Variants in RPTOR observed in about 807,000 individuals in gnomAD.
The protein encoded by RPTOR is regulatory associated protein of MTOR complex 1, also known as regulatory-associated protein of mTOR.
In RPTOR, 21 loss-of-function variants were observed where a neutral mutation model predicts 169.9. That is an observed-to-expected ratio of 0.12 (90% CI 0.09 to 0.18). RPTOR has a LOEUF of 0.18. Among genes scored for constraint, RPTOR ranks in the 10% least tolerant of loss-of-function variants. RPTOR has a pLI of 1.00. For synonymous variants in RPTOR, 732 were observed against 753.2 expected, an observed-to-expected ratio of 0.97 and a Z score of 0.46; for missense variants, 1,133 against 1,855.9, an observed-to-expected ratio of 0.61 and a Z score of 7.16.
At chr17:80,800,400 G>A (rs1389026939) in intron 7 of RPTOR, among the ~76,000 whole-genome samples, 1 of 152,106 alleles carries the variant, frequency 6.6e-6, no homozygotes, top group East Asian at 1.9e-4. Context: ...CCGAGCTTTC[G>A]CCGTCCTTGT....
chr17:80,550,048 A>G (rs1444612687), intron 1 of RPTOR, among the ~76,000 whole-genome samples: 1 of 152,144 alleles, frequency 6.6e-6, no homozygotes, highest in Non-Finnish European at 1.5e-5. Flanking sequence ...TTCAACTAAT[A>G]CATGGACTGC....
intron 13 of RPTOR, among the ~76,000 whole-genome samples, chr17:80,879,088 C>T (rs2068155356): frequency 6.6e-6 from 1 of 152,164 alleles, no homozygotes; most frequent in South Asian, 2.1e-4. Context: ...GCTGTGCGCG[C>T]CCCGGAGCAG....
At chr17:80,771,492 G>A (rs1049287243) in intron 6 of RPTOR, among the ~76,000 whole-genome samples, 1 of 152,130 alleles carries the variant, frequency 6.6e-6, no homozygotes, top group Non-Finnish European at 1.5e-5. Flanking sequence ...GACGGAAGGG[G>A]GTACCTCCCA....
intron 13 of RPTOR, among the ~76,000 whole-genome samples, chr17:80,866,540 C>A (rs1315802540): frequency 6.6e-6 from 1 of 152,124 alleles, no homozygotes; most frequent in African/African-American, 2.4e-5. Flanking sequence ...AACTGTGAAA[C>A]ACCACCCTGA....
intron 20 of RPTOR, among the ~76,000 whole-genome samples, chr17:80,901,339 T>TC (rs2143907797): frequency 6.6e-6 from 1 of 152,180 alleles, no homozygotes; most frequent in South Asian, 2.1e-4. Flanking sequence ...GGAGCTGGAC[T>TC]CCCCATTCCA....
In RPTOR at chr17:80,664,138, G is replaced by C. The variant is rs1017431559; in HGVS notation, c.348+20328G>C. Among the ~76,000 whole-genome samples, 14 of 152,254 alleles carry C rather than the reference G, an allele frequency of 9.2e-5. 1 individual carries two copies. In the South Asian group the frequency reaches 1.4e-3, roughly 16 times the overall value. ...ATGACTTAGCGCAGAGGGCTCTTAC[G>C]TGCAAACCATCTTGGCTGTGGAGCG... On this transcript the variant is annotated intron_variant, in intron 3 of 33. Transcript: ENST00000306801.
intron 3 of RPTOR, among the ~76,000 whole-genome samples, chr17:80,644,251 C>G (rs1567836444): frequency 6.8e-6 from 1 of 148,144 alleles, no homozygotes; most frequent in South Asian, 2.1e-4. Flanking sequence ...TATGCTTTGC[C>G]TTTGATTCAA....
In RPTOR at chr17:80,823,478, C is replaced by A. The variant is rs2067405032; in HGVS notation, c.1136+255C>A. ...GCAGCGGCCGGCTGAAGCCTCACAGCTCTGCAACTCGGGAGGGTAGCACTT... is the reference window on the plus strand; with the variant it reads ...GCAGCGGCCGGCTGAAGCCTCACAGATCTGCAACTCGGGAGGGTAGCACTT... On this transcript the variant is annotated intron_variant, in intron 9 of 33. Coordinates refer to ENST00000306801, the MANE Select transcript of RPTOR (RefSeq NM_020761.3). This position sits in a 1 kb window ranked among gnomAD's most constrained non-coding sequence, Gnocchi z 4.5. The A allele has an allele frequency of 7.5e-6, 3 of 402,630 alleles. No individual in the cohort carries two copies. Among genetic ancestry groups the A allele is most frequent in the Non-Finnish European group, 1.3e-5 (3 of 224,414 alleles). The allele number at this position is 402,630 out of a possible 1,614,324, so 24.9% of individuals were successfully genotyped here. A position where few individuals can be genotyped will look rare whatever the true frequency, so the allele number is the denominator to read the frequency against.
At chr17:80,744,469 C>T (rs796784349) in intron 5 of RPTOR, among the ~76,000 whole-genome samples, 93 of 26,616 alleles carry the variant, frequency 3.5e-3, no homozygotes, top group East Asian at 0.012. Context: ...ACTAGCACAG[C>T]CCTGGTTACT....
chr17:80,839,504 T>G (rs1353864056), intron 10 of RPTOR, among the ~76,000 whole-genome samples: 1 of 152,222 alleles, frequency 6.6e-6, no homozygotes, highest in East Asian at 1.9e-4. Context: ...CCCCGTCATG[T>G]GCTTGGCATC....
chr17:80,888,559 A>G (rs1321541323), intron 17 of RPTOR, among the ~76,000 whole-genome samples: 1 of 152,186 alleles, frequency 6.6e-6, no homozygotes, highest in African/African-American at 2.4e-5. Flanking sequence ...CCAGTAGCCC[A>G]TGGTCAGTGC....
At chr17:80,684,737 G>A (rs899368919) in intron 3 of RPTOR, among the ~76,000 whole-genome samples, 4 of 152,174 alleles carry the variant, frequency 2.6e-5, no homozygotes, top group Middle Eastern at 3.4e-3. Flanking sequence ...GAGCCACTGC[G>A]CCCAGCCATG....
At chr17:80,798,895 G>A (rs1029927704) in intron 7 of RPTOR, among the ~76,000 whole-genome samples, 3 of 152,144 alleles carry the variant, frequency 2.0e-5, no homozygotes, top group Non-Finnish European at 4.4e-5. Context: ...TGACACCCCC[G>A]TGTCCCTACA....
intron 1 of RPTOR, among the ~76,000 whole-genome samples, chr17:80,556,758 T>G: frequency 6.8e-6 from 1 of 146,020 alleles, no homozygotes; most frequent in African/African-American, 2.5e-5. Flanking sequence ...GTTTCAGGAG[T>G]CACAAAGAGA....
chr17:80,575,960 A>G (rs1232727063), intron 1 of RPTOR, among the ~76,000 whole-genome samples: 2 of 152,218 alleles, frequency 1.3e-5, no homozygotes, highest in African/African-American at 2.4e-5. Flanking sequence ...ATATTGTTGT[A>G]AAGTGACTCT....
At chr17:80,760,104 C>G (rs899746809) in intron 6 of RPTOR, among the ~76,000 whole-genome samples, 1 of 151,972 alleles carries the variant, frequency 6.6e-6, no homozygotes, top group Non-Finnish European at 1.5e-5. Context: ...ATTTAGGCGC[C>G]AGGAGTATGC....
intron 13 of RPTOR, among the ~76,000 whole-genome samples, chr17:80,874,217 T>TA (rs1485648577): frequency 6.6e-6 from 1 of 151,906 alleles, no homozygotes; most frequent in East Asian, 1.9e-4. Flanking sequence ...TTTTTTTTTT[T>TA]TAGACAGTCT....
At chr17:80,886,745 C>T (rs1414779541) in intron 17 of RPTOR, among the ~76,000 whole-genome samples, 1 of 152,220 alleles carries the variant, frequency 6.6e-6, no homozygotes, top group African/African-American at 2.4e-5. Flanking sequence ...CCTGCTGAAC[C>T]TGCATCCTGG....
chr17:80,623,026 ATCTTATC>A (rs752729154), intron 1 of RPTOR, among the ~76,000 whole-genome samples: 8 of 152,198 alleles, frequency 5.3e-5, no homozygotes, highest in Non-Finnish European at 1.0e-4. Context: ...TGAATAGAGA[ATCTTATC>A]TCGATGTGAT....
Sources: allele counts gnomAD v4.1 joint callset (sites outside exome capture counted in the v4.1 genomes callset), GRCh38; gene constraint gnomAD v4.1.1; non-coding constraint Gnocchi (gnomAD v3.1); transcripts MANE v1.5; gene names NCBI Gene and HGNC (gene_info 2026-07-23, HGNC 2026-07-21).